KMT2C: variants seen among roughly 807,000 people sequenced by gnomAD.
KMT2C encodes histone-lysine N-methyltransferase 2C.
KMT2C carries 88 observed loss-of-function variants against 507.9 expected under a neutral mutation model. The observed-to-expected ratio is 0.17, with a 90% CI of 0.15 to 0.21. The LOEUF (loss-of-function observed/expected upper bound fraction) is 0.21, where lower values mean the gene tolerates loss of function less well. KMT2C is among the 10% of genes least tolerant of loss of function. KMT2C has a pLI of 1.00. For missense variants in KMT2C, 4,954 were observed against 5,957.8 expected (o/e 0.83, Z 5.55); for synonymous variants, 2,049 against 2,080.8 (o/e 0.98, Z 0.42).
intron 1 of KMT2C, among the ~76,000 whole-genome samples, chr7:152,417,048 C>CA (rs34690030): frequency 0.08 from 5,336 of 66,436 alleles, 356 homozygotes; most frequent in African/African-American, 0.16. Flanking sequence ...GACATCATCT[C>CA]AAAAAAAAAA....
chr7:152,254,003 T>C (rs2095605813), intron 9 of KMT2C, among the ~76,000 whole-genome samples: 1 of 152,172 alleles, frequency 6.6e-6, no homozygotes, highest in Admixed American at 6.5e-5. Context: ...GGGAACTTTA[T>C]CTTTCTGTGC....
At chr7:152,161,567 A>T (rs1323874461) in intron 43 of KMT2C, among the ~76,000 whole-genome samples, 1 of 152,252 alleles carries the variant, frequency 6.6e-6, no homozygotes, top group African/African-American at 2.4e-5. Context: ...TAAATGAAAA[A>T]AAAAGCAAAT....
At chr7:152,197,189 G>A (rs887950794) in intron 27 of KMT2C, among the ~76,000 whole-genome samples, 1 of 152,180 alleles carries the variant, frequency 6.6e-6, no homozygotes, top group African/African-American at 2.4e-5. Flanking sequence ...GAGACAAGTG[G>A]TCGGCTTTGG....
At chr7:152,196,821 T>G (rs1485761467) in intron 27 of KMT2C, among the ~76,000 whole-genome samples, 1 of 152,040 alleles carries the variant, frequency 6.6e-6, no homozygotes, top group Non-Finnish European at 1.5e-5. Context: ...GAGATAACCC[T>G]CCAAACTAAG....
intron 3 of KMT2C, among the ~76,000 whole-genome samples, chr7:152,324,285 G>C (rs2096803511): frequency 6.7e-6 from 1 of 148,298 alleles, no homozygotes; most frequent in Admixed American, 6.7e-5. Context: ...AAAAGTAATG[G>C]CAAAAACCGC....
intron 16 of KMT2C, among the ~76,000 whole-genome samples, chr7:152,232,281 A>G (rs1347715583): frequency 1.3e-5 from 2 of 152,266 alleles, no homozygotes; most frequent in Non-Finnish European, 2.9e-5. Context: ...ATTCATCATT[A>G]GGGAGTAAGT....
intron 43 of KMT2C, among the ~76,000 whole-genome samples, chr7:152,160,641 TTA>T (rs973158660): frequency 5.5e-5 from 8 of 146,730 alleles, no homozygotes; most frequent in African/African-American, 1.0e-4. Flanking sequence ...ATATTTATAT[TTA>T]TATATATATT....
intron 4 of KMT2C, 117 bp from the exon 5 acceptor site, chr7:152,312,063 C>T: frequency 1.4e-6 from 1 of 697,532 alleles, no homozygotes; most frequent in Middle Eastern, 4.4e-4. Context: ...CATTAACTGT[C>T]ATAAAACAAC....
At chr7:152,377,353 T>C (rs1292507918) in intron 1 of KMT2C, among the ~76,000 whole-genome samples, 1 of 152,390 alleles carries the variant, frequency 6.6e-6, no homozygotes, top group East Asian at 1.9e-4. Context: ...GAAAGAAGAA[T>C]GTTACTTTCA....
At chr7:152,170,560 T>C (rs2092917873) in intron 40 of KMT2C, among the ~76,000 whole-genome samples, 1 of 152,230 alleles carries the variant, frequency 6.6e-6, no homozygotes, top group Admixed American at 6.5e-5. Flanking sequence ...TGGAGTGCAG[T>C]GGCGTGATCT....
At chr7:152,426,855 T>G (rs1467028274) in intron 1 of KMT2C, among the ~76,000 whole-genome samples, 1 of 152,228 alleles carries the variant, frequency 6.6e-6, no homozygotes, top group Non-Finnish European at 1.5e-5. Context: ...CAACCTAGAC[T>G]TGAATCCAGA....
At position 152,435,994 on chromosome 7, in the gene KMT2C, C is replaced by T. The variant is rs939691883; in HGVS notation, c.-208G>A. 3.3e-5 allele frequency: 8 copies of T among 244,182 alleles called. No homozygotes were observed. The highest frequency in any genetic ancestry group is 5.4e-5 in the Non-Finnish European group (7 of 130,328). 15.1% of individuals were successfully genotyped at this position (244,182 alleles called of 1,614,324 possible). ...ACGCACTCACACACATCGGCGCGGG[C>T]GCGCGCACCTCCGCGCGCAGGGGCC... On this transcript the variant is annotated 5_prime_UTR_variant, in exon 1 of 59. Coordinates refer to ENST00000262189, the MANE Select transcript of KMT2C (RefSeq NM_170606.3).
At chr7:152,304,305 C>A (rs188459647) in intron 6 of KMT2C, among the ~76,000 whole-genome samples, 1 of 151,992 alleles carries the variant, frequency 6.6e-6, no homozygotes, top group East Asian at 1.9e-4. Context: ...AAATCTCAAC[C>A]GAAATTATCA....
rs868486940 is a variant in KMT2C, at chr7:152,177,101, C to A, written c.8352G>T (p.Lys2784Asn). Residue 2784 changes from lysine (K) to asparagine (N), a missense_variant, in exon 38 of 59, where the codon AAG becomes AAT. Physicochemically the swap from Lys to Asn is moderately conservative, Grantham distance 94 (BLOSUM62 0). This residue lies in a region of KMT2C where 1,689 missense variants were observed against 1,654.3 expected (regional missense o/e 1.02). Transcript: ENST00000262189. ...CAACAGATACACACTGATTATCTAA[C>A]TTATCATCAATTGGAAGGTCTAGTT... is the stretch of plus-strand genomic sequence containing the variant. ...NEELDLPIDD[K>N]LDNQCVSVEP... The A allele has an allele frequency of 1.9e-6, 3 of 1,612,420 alleles. No individual in the cohort carries two copies. Among genetic ancestry groups the A allele is most frequent in the Non-Finnish European group, 2.5e-6 (3 of 1,179,210 alleles).
At chr7:152,137,839 T>C (rs12703197) in intron 58 of KMT2C, 21,608 of 152,248 alleles carry the variant, frequency 0.14, 3,845 homozygotes, top group African/African-American at 0.41. Context: ...TTACTGGCAC[T>C]GTGCCAGGGC....
chr7:152,157,740 C>T (rs2092163913), intron 44 of KMT2C: 23 of 1,197,016 alleles, frequency 1.9e-5, no homozygotes, highest in Non-Finnish European at 2.4e-5. Context: ...AGCAAGACAA[C>T]ACCTTGGCAG....
chr7:152,202,997 T>C lies in KMT2C; in HGVS notation c.4029A>G (p.Lys1343=). The change falls in exon 26 of 59, where the codon AAA becomes AAG. Residue 1343 remains lysine, a synonymous_variant. Coordinates refer to ENST00000262189, the MANE Select transcript of KMT2C (RefSeq NM_170606.3). The stretch of plus-strand genomic sequence containing the variant: ...TCCTTTTTCGGTATCTCTTCTTTAT[T>C]TTTTCAGTGCTTTCAGTAACAGAAA... ...ESVSVTESTE[K]IKKRYRKRKN... The C allele has an allele frequency of 6.2e-7, 1 of 1,611,244 alleles. No individual in the cohort carries two copies. The highest frequency in any genetic ancestry group is 8.5e-7 in the Non-Finnish European group (1 of 1,178,068).
intron 1 of KMT2C, among the ~76,000 whole-genome samples, chr7:152,417,681 G>T (rs779435347): frequency 6.6e-6 from 1 of 151,840 alleles, no homozygotes; most frequent in African/African-American, 2.4e-5. Context: ...TTGCTCTGTC[G>T]CCCAGGCTGG....
intron 23 of KMT2C, among the ~76,000 whole-genome samples, chr7:152,214,068 T>C (rs2094516089): frequency 6.6e-6 from 1 of 151,886 alleles, no homozygotes; most frequent in Admixed American, 6.6e-5. Context: ...GGCAAAGACA[T>C]AAGTGTTGGT....
Sources: allele counts gnomAD v4.1 joint callset (sites outside exome capture counted in the v4.1 genomes callset), GRCh38; gene constraint gnomAD v4.1.1; regional missense constraint gnomAD v4.1.1; transcripts MANE v1.5; gene names NCBI Gene and HGNC (gene_info 2026-07-23, HGNC 2026-07-21).